MOV10L1: variants seen among roughly 807,000 people sequenced by gnomAD.
MOV10L1 encodes RNA helicase Mov10l1.
MOV10L1 carries 110 observed loss-of-function variants against 143.8 expected under a neutral mutation model. That is an observed-to-expected ratio of 0.76 (90% CI 0.66 to 0.90). The LOEUF is 0.90. Ranked by LOEUF, MOV10L1 falls within the 40% of genes least tolerant of loss-of-function variation. MOV10L1 has a pLI of 0.00. For synonymous variants in MOV10L1, 593 were observed against 581.1 expected (o/e 1.02, Z -0.29); for missense variants, 1,406 against 1,526.8 (o/e 0.92, Z 1.32).
chr22:50,148,437 C>T (rs2063209571), intron 19 of MOV10L1, among the ~76,000 whole-genome samples: 1 of 152,174 alleles, frequency 6.6e-6, no homozygotes, highest in Non-Finnish European at 1.5e-5. Flanking sequence ...GCAAGAGTTC[C>T]GCAGCTTCTC....
rs751175624 is a variant in MOV10L1 at position 50,150,759 on chromosome 22, C to T, written c.2752C>T (p.Gln918Ter). 1 of 1,613,998 alleles carries T rather than the reference C, an allele frequency of 6.2e-7. No homozygotes were observed. The highest frequency in any genetic ancestry group is 8.5e-7 in the Non-Finnish European group (1 of 1,179,970). ...GQIVLAGDPM[Q>*]LGPVIKSRLA... Reference sequence around the variant, plus strand: ...GATCGTGCTGGCAGGAGACCCCATGCAGCTCGGCCCAGTCATTAAGTCCAG... The same window carrying T: ...GATCGTGCTGGCAGGAGACCCCATGTAGCTCGGCCCAGTCATTAAGTCCAG... Residue 918 changes from glutamine to a stop codon, truncating the protein, a stop_gained, in exon 21 of 27, where the codon CAG (glutamine) becomes TAG (stop). Transcript: ENST00000262794. LOFTEE classifies it high-confidence loss of function.
In MOV10L1 at chr22:50,159,733, G is replaced by A; in HGVS notation, c.3272G>A (p.Gly1091Glu). Reference sequence around the variant, plus strand: ...GTTGATCTGATGGATATAAAGGTTGGATCAGTAGAGGAGTTTCAAGGACAA... The same window carrying A: ...GTTGATCTGATGGATATAAAGGTTGAATCAGTAGAGGAGTTTCAAGGACAA... Reference protein sequence around the residue: ...RNVDLMDIKVGSVEEFQGQEY... With the variant: ...RNVDLMDIKVESVEEFQGQEY... The change falls in exon 24 of 27, where the codon GGA becomes GAA. Residue 1091 changes from glycine (G) to glutamate (E), a missense_variant. Coordinates refer to ENST00000262794, the MANE Select transcript of MOV10L1 (RefSeq NM_018995.3). The surrounding 1 kb of genome is among the most constrained non-coding windows in gnomAD (Gnocchi z 4.1). The A allele has an allele frequency of 6.2e-7, 1 of 1,613,660 alleles. No homozygotes were observed.
chr22:50,090,324 G>A (rs1489667801), intron 1 of MOV10L1, 139 bp downstream of exon 1: 3 of 1,473,186 alleles, frequency 2.0e-6, no homozygotes, highest in East Asian at 2.5e-5. Context: ...CTCCGCTGGC[G>A]GGGATCCCCG....
intron 4 of MOV10L1, 44 bp downstream of exon 4, chr22:50,108,292 C>A: frequency 6.5e-7 from 1 of 1,542,918 alleles, no homozygotes; most frequent in South Asian, 1.2e-5. Flanking sequence ...TCTGGCAGAC[C>A]TGCCATCAGG....
At position 50,117,252 on chromosome 22, in the gene MOV10L1, C is replaced by T. The variant is rs770515596; in HGVS notation, c.1355C>T (p.Ser452Leu). 6.2e-7 allele frequency: 1 copy of T among 1,614,032 alleles called. No individual in the cohort carries two copies. The highest frequency in any genetic ancestry group is 1.1e-5 in the South Asian group (1 of 91,070). The change falls in exon 9 of 27, where the codon TCA (serine) becomes TTA (leucine). Residue 452 changes from serine (S) to leucine (L), a missense_variant. Coordinates refer to ENST00000262794, the MANE Select transcript of MOV10L1 (RefSeq NM_018995.3). Reference protein sequence around the residue: ...LEVNVISGEESLIAAREPFSW... With the variant: ...LEVNVISGEELLIAAREPFSW... ...GTAAATGTTATCAGTGGGGAGGAGT[C>T]ACTAATTGCTGCGCGCGAACCATTT... is the stretch of plus-strand genomic sequence containing the variant.
chr22:50,157,027 G>A (rs915146677), intron 22 of MOV10L1, among the ~76,000 whole-genome samples: 2 of 152,108 alleles, frequency 1.3e-5, no homozygotes, highest in Admixed American at 1.3e-4. Flanking sequence ...TTATTTTCTG[G>A]GTTGTTTTAT....
At chr22:50,123,920 A>G (rs1043901727) in intron 10 of MOV10L1, among the ~76,000 whole-genome samples, 2 of 152,126 alleles carry the variant, frequency 1.3e-5, no homozygotes, top group Non-Finnish European at 1.5e-5. Context: ...TCATCTGGGT[A>G]TTGGTATACG....
At chr22:50,092,357 A>G (rs927750055) in intron 2 of MOV10L1, among the ~76,000 whole-genome samples, 172 bp downstream of exon 2, 2 of 152,236 alleles carry the variant, frequency 1.3e-5, no homozygotes, top group African/African-American at 4.8e-5. Context: ...TAGACTGGGT[A>G]CAGTGGCTCA....
intron 22 of MOV10L1, among the ~76,000 whole-genome samples, chr22:50,155,848 C>G (rs970781922): frequency 6.6e-6 from 1 of 152,122 alleles, no homozygotes; most frequent in African/African-American, 2.4e-5. Flanking sequence ...CCCAGGAGTT[C>G]AAGAACGGCC....
intron 22 of MOV10L1, 106 bp from the exon 23 acceptor site, chr22:50,157,949 TTC>T: frequency 7.6e-7 from 1 of 1,307,798 alleles, no homozygotes; most frequent in Non-Finnish European, 1.1e-6. Flanking sequence ...CAGGGATTTA[TTC>T]TGTCATATTC....
In MOV10L1 at chr22:50,103,807, C is replaced by T. The variant is rs1247155821; in HGVS notation, c.442+4205C>T. Among the ~76,000 whole-genome samples, 5 of 152,192 alleles carry T rather than the reference C, an allele frequency of 3.3e-5. No individual in the cohort carries two copies. The East Asian group carries it at 7.7e-4, about 23-fold the overall frequency. ...CAGTTTGTGCATCCACTTAGAGCAG[C>T]AGTCCCCAAACTCTTTGGCACCAGG... is the stretch of plus-strand genomic sequence containing the variant. On this transcript the variant is annotated intron_variant, in intron 3 of 26. Coordinates refer to ENST00000262794, the MANE Select transcript of MOV10L1 (RefSeq NM_018995.3).
chr22:50,091,706 CAGT>C (rs1457513058), intron 1 of MOV10L1, among the ~76,000 whole-genome samples: 1 of 152,176 alleles, frequency 6.6e-6, no homozygotes, highest in Non-Finnish European at 1.5e-5. Context: ...ACACCAATGG[CAGT>C]AGAAGAGCTA....
chr22:50,115,242 G>C lies in MOV10L1; in HGVS notation c.1255G>C (p.Gly419Arg). 1 of 1,518,962 alleles carries C rather than the reference G, an allele frequency of 6.6e-7. No individual in the cohort carries two copies. Among genetic ancestry groups the C allele is most frequent in the Non-Finnish European group, 8.7e-7 (1 of 1,143,598 alleles). The allele number at this position is 1,518,962 out of a possible 1,614,324, so 94.1% of individuals were successfully genotyped here. A position where few individuals can be genotyped will look rare whatever the true frequency, so the allele number is the denominator to read the frequency against. The change falls in exon 8 of 27, where the codon GGA (glycine) becomes CGA (arginine). Residue 419 changes from glycine (G) to arginine (R), a missense_variant. By Grantham distance (125) the Gly-to-Arg change is moderately radical. Around this residue, in one of 3 missense-constraint regions of MOV10L1, gnomAD observed 1,233 missense variants for 1,351.4 expected, o/e 0.91. Transcript: ENST00000262794. ...GKTFIVVICDGKNPGRCKELL... is the reference protein window; with the variant it reads ...GKTFIVVICDRKNPGRCKELL... ...AACCTTCATTGTGGTCATCTGTGAC[G>C]GAAAGTAAGGGCCTGGAGGTCTGGG... is the stretch of plus-strand genomic sequence containing the variant.
chr22:50,133,264 G>A (rs1035793121), intron 13 of MOV10L1, among the ~76,000 whole-genome samples: 1 of 151,738 alleles, frequency 6.6e-6, no homozygotes, highest in Admixed American at 6.6e-5. Context: ...ATCAGGTTGA[G>A]GAGATAGATT....
rs956311014 is a variant in MOV10L1, at chr22:50,152,383, G to A, written c.2893-662G>A. Among the ~76,000 whole-genome samples, 11 of 152,222 alleles carry A rather than the reference G, an allele frequency of 7.2e-5. No individual in the cohort carries two copies. The highest frequency in any genetic ancestry group is 2.7e-4 in the African/African-American group (11 of 41,454). Reference sequence around the variant, plus strand: ...TCAAGACTGAGCATTGCTCTGACTGGTTGAACTCCTGTAGTCGCTGGAGAC... The same window carrying A: ...TCAAGACTGAGCATTGCTCTGACTGATTGAACTCCTGTAGTCGCTGGAGAC... On this transcript the variant is annotated intron_variant, in intron 21 of 26. Coordinates refer to ENST00000262794, the MANE Select transcript of MOV10L1 (RefSeq NM_018995.3). This position sits in a 1 kb window ranked among gnomAD's most constrained non-coding sequence, Gnocchi z 4.4.
At chr22:50,090,813 A>G (rs2062415659) in intron 1 of MOV10L1, 1 of 338,944 alleles carries the variant, frequency 3.0e-6, no homozygotes, top group Non-Finnish European at 5.6e-6. Context: ...AGCAGCGGGG[A>G]TTATAGGCAC....
chr22:50,139,091 A>G (rs537799262), intron 15 of MOV10L1, among the ~76,000 whole-genome samples: 6 of 152,130 alleles, frequency 3.9e-5, no homozygotes, highest in Admixed American at 1.3e-4. Context: ...GACGTAAATC[A>G]ATGGAGGGAG....
chr22:50,151,646 C>G (rs1157770084), intron 21 of MOV10L1, among the ~76,000 whole-genome samples: 1 of 152,204 alleles, frequency 6.6e-6, no homozygotes, highest in African/African-American at 2.4e-5. Context: ...GCTGCTGGGC[C>G]CAGAGGGCGC....
intron 7 of MOV10L1, 98 bp from the exon 8 acceptor site, chr22:50,115,014 TTG>T (rs963092647): frequency 3.1e-6 from 4 of 1,306,670 alleles, no homozygotes; most frequent in African/African-American, 3.0e-5. Context: ...GCATCTGTCT[TTG>T]TGTGTGTGAG....
Sources: gnomAD v4.1 joint callset for allele counts (sites outside exome capture counted in the v4.1 genomes callset) on GRCh38, gnomAD v4.1.1 for gene constraint, gnomAD v4.1.1 regional missense constraint, Gnocchi (gnomAD v3.1) non-coding constraint, MANE v1.5 for transcripts, NCBI Gene and HGNC (gene_info 2026-07-23, HGNC 2026-07-21) for gene names.